The following APPBP2 variants were observed in gnomAD, a reference collection of about 807,000 sequenced individuals.
APPBP2 encodes the protein amyloid beta precursor protein binding protein 2, also known as amyloid protein-binding protein 2.
APPBP2 carries 15 observed loss-of-function variants against 76.0 expected under a neutral mutation model. The ratio of observed to expected loss-of-function variants is 0.20; its 90% confidence interval spans 0.13 to 0.30. APPBP2 has a LOEUF of 0.30. APPBP2 is among the 10% of genes least tolerant of loss of function. The pLI is 1.00. For synonymous variants in APPBP2, 222 were observed against 242.2 expected, an observed-to-expected ratio of 0.92 and a Z score of 0.77; for missense variants, 401 against 687.2, an observed-to-expected ratio of 0.58 and a Z score of 4.66.
intron 9 of APPBP2, among the ~76,000 whole-genome samples, chr17:60,457,454 T>C (rs1292086436): frequency 6.6e-6 from 1 of 152,106 alleles, no homozygotes; most frequent in African/African-American, 2.4e-5. Flanking sequence ...TTACACAGGA[T>C]CCTGCTCTGT....
At chr17:60,491,659 G>A (rs1444624658) in intron 3 of APPBP2, among the ~76,000 whole-genome samples, 3 of 150,330 alleles carry the variant, frequency 2.0e-5, no homozygotes, top group African/African-American at 7.6e-5. Context: ...TGGCCAGGCT[G>A]GTCTCAAACT....
intron 4 of APPBP2, among the ~76,000 whole-genome samples, chr17:60,474,688 G>C (rs2090576848): frequency 6.6e-6 from 1 of 152,114 alleles, no homozygotes; most frequent in South Asian, 2.1e-4. Context: ...TAATAGGTTT[G>C]ACGTGGTAAA....
At chr17:60,510,420 A>G (rs1362711186) in intron 1 of APPBP2, among the ~76,000 whole-genome samples, 1 of 151,596 alleles carries the variant, frequency 6.6e-6, no homozygotes, top group Admixed American at 6.6e-5. Context: ...ATAATTTTAA[A>G]AAGTAAAAAA....
At chr17:60,475,167 T>C (rs999610826) in intron 4 of APPBP2, among the ~76,000 whole-genome samples, 1 of 151,982 alleles carries the variant, frequency 6.6e-6, no homozygotes, top group African/African-American at 2.4e-5. Context: ...GAGGTGGAGC[T>C]TGCAGTGAGC....
rs1045219936 is a variant in APPBP2 at position 60,479,191 on chromosome 17, C to T, written c.460G>A (p.Asp154Asn). The change falls in exon 4 of 13, where the codon GAT becomes AAT. Residue 154 changes from aspartate to asparagine, a missense_variant. Transcript: ENST00000083182. ...GCACGAAACCAATGAAGCATCTCAT[C>T]GTGTAGAGTACACAACTGAAGGCAG... ...LSCLQLCTLHDEMLHWFRAVE... is the reference protein window; with the variant it reads ...LSCLQLCTLHNEMLHWFRAVE... The T allele has an allele frequency of 4.3e-6, 7 of 1,613,880 alleles. No individual in the cohort carries two copies. The highest frequency in any genetic ancestry group is 1.1e-5 in the South Asian group (1 of 91,022).
chr17:60,462,339 C>G (rs1018537940), intron 6 of APPBP2: 1 of 303,922 alleles, frequency 3.3e-6, no homozygotes, highest in African/African-American at 2.2e-5. Flanking sequence ...AGCTGGTATA[C>G]CCCCATTTTC....
chr17:60,464,557 T>C (rs2090497458), intron 5 of APPBP2, among the ~76,000 whole-genome samples: 1 of 152,196 alleles, frequency 6.6e-6, no homozygotes, highest in Admixed American at 6.5e-5. Flanking sequence ...TTGTCCCAGC[T>C]ACTGTCCAAA....
chr17:60,461,772 T>C, intron 8 of APPBP2, 38 bp downstream of exon 8: 1 of 1,474,022 alleles, frequency 6.8e-7, no homozygotes, highest in Non-Finnish European at 9.3e-7. Context: ...AGCAAGTCAA[T>C]ACAGGTTGAA....
At chr17:60,510,211 G>A (rs113633395) in intron 1 of APPBP2, among the ~76,000 whole-genome samples, 2 of 149,706 alleles carry the variant, frequency 1.3e-5, no homozygotes, top group Non-Finnish European at 1.5e-5. Context: ...GAGACCAGCC[G>A]GGGCAATGTA....
Position 60,461,813 on chromosome 17 carries a change from A to G in APPBP2, c.933T>C (p.Tyr311=), listed in dbSNP as rs767490646. ...VDNICQSVAI[Y]QAALDIRQSV... is the part of the protein sequence containing the mutation. ...AAAAGGGTAACCATTAACATACCTG[A>G]TAAATTGCAACAGACTGACAGATAT... The change falls in exon 8 of 13, where the codon TAT becomes TAC. Residue 311 remains tyrosine, a synonymous_variant. Transcript: ENST00000083182. The G allele has an allele frequency of 3.8e-6, 6 of 1,598,406 alleles. No individual in the cohort carries two copies. Among genetic ancestry groups the G allele is most frequent in the Non-Finnish European group, 4.3e-6 (5 of 1,171,034 alleles).
rs1343294754 is a variant in APPBP2 at position 60,447,576 on chromosome 17, C to T, written c.*5G>A. On this transcript the variant is annotated 3_prime_UTR_variant, in exon 13 of 13. Coordinates refer to ENST00000083182, the MANE Select transcript of APPBP2 (RefSeq NM_006380.5). ...AAAAGGTAATTGGTTAACTGAGGTC[C>T]TCCCTCAGCAGCTCGGTCCCTCGAC... is the stretch of plus-strand genomic sequence containing the variant. 2 of 1,600,398 alleles carry T rather than the reference C, an allele frequency of 1.2e-6. No individual in the cohort carries two copies. Among genetic ancestry groups the T allele is most frequent in the Admixed American group, 3.5e-5 (2 of 57,726 alleles).
intron 1 of APPBP2, among the ~76,000 whole-genome samples, chr17:60,510,381 C>G (rs2090902021): frequency 6.6e-6 from 1 of 151,830 alleles, no homozygotes; most frequent in Non-Finnish European, 1.5e-5. Flanking sequence ...CCAGCCTGGA[C>G]AACACAGCAA....
At chr17:60,513,903 C>T (rs571548241) in intron 1 of APPBP2, among the ~76,000 whole-genome samples, 11 of 150,554 alleles carry the variant, frequency 7.3e-5, no homozygotes, top group Admixed American at 2.0e-4. Flanking sequence ...AAAGCAATTG[C>T]GATCCTACCC....
At chr17:60,511,582 G>GAAAAAAAAAAAAA (rs397946277) in intron 1 of APPBP2, among the ~76,000 whole-genome samples, 1 of 116,698 alleles carries the variant, frequency 8.6e-6, no homozygotes, top group Non-Finnish European at 1.9e-5. Context: ...AGACTCCATT[G>GAAAAAAAAAAAAA]AAAAAAAAAA....
chr17:60,501,092 A>G (rs1168939217), intron 1 of APPBP2, among the ~76,000 whole-genome samples: 1 of 152,146 alleles, frequency 6.6e-6, no homozygotes, highest in Non-Finnish European at 1.5e-5. Flanking sequence ...AGGAGGGAGT[A>G]TTGCTTGAGG....
intron 3 of APPBP2, among the ~76,000 whole-genome samples, chr17:60,492,732 C>T (rs1202003977): frequency 6.6e-6 from 1 of 152,144 alleles, no homozygotes; most frequent in Non-Finnish European, 1.5e-5. Flanking sequence ...AACTAACTTG[C>T]TTTTGATTTT....
intron 2 of APPBP2, among the ~76,000 whole-genome samples, chr17:60,497,329 G>A (rs1294282879): frequency 6.6e-6 from 1 of 151,748 alleles, no homozygotes; most frequent in African/African-American, 2.4e-5. Flanking sequence ...GAGAGGAGAA[G>A]GATGGTTACC....
intron 1 of APPBP2, among the ~76,000 whole-genome samples, chr17:60,501,075 G>A (rs1567936724): frequency 6.6e-6 from 1 of 152,158 alleles, no homozygotes; most frequent in Non-Finnish European, 1.5e-5. Context: ...AGCTACTAAG[G>A]AGGCAAAGGA....
rs1192185164 is a variant in APPBP2 at position 60,503,069 on chromosome 17, G to A, written c.139-2582C>T. Among the ~76,000 whole-genome samples, 4 of 139,560 alleles carry A rather than the reference G, an allele frequency of 2.9e-5. 1 individual carries two copies. Among genetic ancestry groups the A allele is most frequent in the African/African-American group, 1.3e-4 (4 of 31,616 alleles). The allele number at this position is 139,560 out of a possible 152,430, so 91.6% of individuals were successfully genotyped here. A position where few individuals can be genotyped will look rare whatever the true frequency, so the allele number is the denominator to read the frequency against. On this transcript the variant is annotated intron_variant, in intron 1 of 12. Transcript: ENST00000083182. ...CACTCTGTCACCAGGTTGGAGTGCA[G>A]TGGCATGATCTCAGCTCACTGCAAC... is the stretch of plus-strand genomic sequence containing the variant.
Sources: gnomAD v4.1 joint callset for allele counts (sites outside exome capture counted in the v4.1 genomes callset) on GRCh38, gnomAD v4.1.1 for gene constraint, MANE v1.5 for transcripts, NCBI Gene and HGNC (gene_info 2026-07-23, HGNC 2026-07-21) for gene names.